The following BCL2L11 variants were observed in gnomAD, a reference collection of about 807,000 sequenced individuals.
The protein encoded by BCL2L11 is BCL2 like 11.
In BCL2L11, 15 loss-of-function variants were observed where a neutral mutation model predicts 20.6. That is an observed-to-expected ratio of 0.73 (90% CI 0.49 to 1.12). The LOEUF (loss-of-function observed/expected upper bound fraction) is 1.12, where lower values mean the gene tolerates loss of function less well. Ranked by LOEUF, BCL2L11 falls within the 50% of genes most tolerant of loss-of-function variation. The pLI, the probability that BCL2L11 is intolerant of heterozygous loss-of-function variation, is 0.00. For missense variants in BCL2L11, 292 were observed against 260.9 expected (o/e 1.12, Z -0.82); for synonymous variants, 108 against 92.8 (o/e 1.16, Z -0.94).
At chr2:111,126,573 T>C (rs2072667846) in intron 2 of BCL2L11, among the ~76,000 whole-genome samples, 1 of 152,146 alleles carries the variant, frequency 6.6e-6, no homozygotes, top group Non-Finnish European at 1.5e-5. Context: ...TGTGAGTTTC[T>C]TAAATTGAAG....
In BCL2L11 at chr2:111,165,436, T is replaced by A. The variant is rs1488212131; in HGVS notation, c.*1205T>A. The A allele has an allele frequency of 1.3e-5, 2 of 152,298 alleles. No individual in the cohort carries two copies. Among genetic ancestry groups the A allele is most frequent in the East Asian group, 1.9e-4 (1 of 5,200 alleles). The allele number at this position is 152,298 out of a possible 1,614,324, so 9.4% of individuals were successfully genotyped here. ...CTCACAGTCCACTAGCTTCACTCCT[T>A]TAAATTCACTTTGAAACAGGCCTCA... On this transcript the variant is annotated 3_prime_UTR_variant, in exon 4 of 4. Transcript: ENST00000393256.
At chr2:111,123,258 A>G (rs1394605477) in intron 1 of BCL2L11, 4 of 985,318 alleles carry the variant, frequency 4.1e-6, no homozygotes, top group Non-Finnish European at 3.6e-6. Flanking sequence ...CCTTCCCCAG[A>G]CTTGCTGCCC....
Position 111,150,278 on chromosome 2 carries a change from C to A in BCL2L11, c.498+131C>A, listed in dbSNP as rs1361580774. ...ATGATTACTGTTGCCTAGTTGTGAC[C>A]TTTCATTGTTTCTCCTTTCCCATTT... On this transcript the variant is annotated intron_variant, in intron 3 of 3. Transcript: ENST00000393256. 2.7e-6 allele frequency: 4 copies of A among 1,488,486 alleles called. No individual in the cohort carries two copies. The African/African-American group carries it at 4.2e-5, about 16-fold the overall frequency. 92.2% of individuals were successfully genotyped at this position (1,488,486 alleles called of 1,614,324 possible). A position where few individuals can be genotyped will look rare whatever the true frequency, so the allele number is the denominator to read the frequency against.
intron 1 of BCL2L11, chr2:111,122,642 G>C (rs1478095147): frequency 1.0e-6 from 1 of 984,170 alleles, no homozygotes; most frequent in East Asian, 1.1e-4. Context: ...GGAGGAGCGG[G>C]AGGAGGCGGA....
chr2:111,121,205 C>G lies in BCL2L11; in HGVS notation c.-14+17C>G. On this transcript the variant is annotated intron_variant, in intron 1 of 3. Coordinates refer to ENST00000393256, the MANE Select transcript of BCL2L11 (RefSeq NM_138621.5). ...AAACGCAAGGTAAATACCTCCAAAT[C>G]CCGGGGCGCGGGCCTGGCACCGAAG... The G allele has an allele frequency of 4.6e-6, 1 of 219,040 alleles. No individual in the cohort carries two copies. The highest frequency in any genetic ancestry group is 9.1e-6 in the Non-Finnish European group (1 of 109,766). The allele number at this position is 219,040 out of a possible 1,614,324, so 13.6% of individuals were successfully genotyped here.
chr2:111,123,460 C>T, intron 1 of BCL2L11: 1 of 985,462 alleles, frequency 1.0e-6, no homozygotes, highest in Non-Finnish European at 1.2e-6. Flanking sequence ...TTCAGATTAG[C>T]TGCTTCTCTG....
intron 2 of BCL2L11, among the ~76,000 whole-genome samples, chr2:111,141,326 A>G (rs1342937752): frequency 6.6e-6 from 1 of 151,706 alleles, no homozygotes; most frequent in Non-Finnish European, 1.5e-5. Context: ...ATGGAATACT[A>G]TGCAGCCATA....
chr2:111,138,012 C>CTTTTTTTTTT (rs66601807), intron 2 of BCL2L11, among the ~76,000 whole-genome samples: 3 of 127,144 alleles, frequency 2.4e-5, no homozygotes, highest in African/African-American at 5.9e-5. Context: ...TTCTTTCTTT[C>CTTTTTTTTTT]TTTTTTTTTT....
intron 2 of BCL2L11, among the ~76,000 whole-genome samples, chr2:111,136,047 A>G (rs926537180): frequency 6.6e-6 from 1 of 151,814 alleles, no homozygotes; most frequent in Non-Finnish European, 1.5e-5. Context: ...TCAACTCCCC[A>G]CTCTGGCCAC....
At position 111,167,036 on chromosome 2, in the gene BCL2L11, C is replaced by CTTT. The variant is rs1180941664; in HGVS notation, c.*2808_*2810dup. 1 of 152,490 alleles carries CTTT rather than the reference C, an allele frequency of 6.6e-6. No individual in the cohort carries two copies. The highest frequency in any genetic ancestry group is 1.5e-5 in the Non-Finnish European group (1 of 67,996). The allele number at this position is 152,490 out of a possible 1,614,324, so 9.4% of individuals were successfully genotyped here. A position where few individuals can be genotyped will look rare whatever the true frequency, so the allele number is the denominator to read the frequency against. ...TCAAGGATTGTAAATATTGTAGATTCTTTTTCTGTGTGATGTGTCCTACTG... is the reference window on the plus strand; with the variant it reads ...TCAAGGATTGTAAATATTGTAGATTCTTTTTTTTCTGTGTGATGTGTCCTACTG... On this transcript the variant is annotated 3_prime_UTR_variant, in exon 4 of 4. Coordinates refer to ENST00000393256, the MANE Select transcript of BCL2L11 (RefSeq NM_138621.5).
chr2:111,121,722 A>C (rs923070147), intron 1 of BCL2L11, among the ~76,000 whole-genome samples: 8 of 152,170 alleles, frequency 5.3e-5, no homozygotes, highest in Admixed American at 3.3e-4. Flanking sequence ...TTACTCATTC[A>C]GGCCAAGGTT....
rs192479600 is a variant in BCL2L11, at chr2:111,159,485, A to G, written c.499-4648A>G. On this transcript the variant is annotated intron_variant, in intron 3 of 3. Transcript: ENST00000393256. ...CTGGAGTGCCCTAGGCAGCTTTTCA[A>G]AGGTTCGACTCCTCTCACTGTTGGA... Among the ~76,000 whole-genome samples the G allele has an allele frequency of 2.2e-3, 335 of 152,328 alleles. 1 individual carries two copies. The highest frequency in any genetic ancestry group is 4.1e-3 in the Non-Finnish European group (281 of 68,034).
intron 3 of BCL2L11, among the ~76,000 whole-genome samples, chr2:111,157,916 G>A (rs1417436489): frequency 6.6e-6 from 1 of 152,142 alleles, no homozygotes; most frequent in Non-Finnish European, 1.5e-5. Flanking sequence ...CATGCATCTG[G>A]GAGGGAACTT....
intron 3 of BCL2L11, chr2:111,150,389 A>C (rs1250641053): frequency 1.2e-5 from 7 of 608,300 alleles, no homozygotes; most frequent in African/African-American, 5.7e-5. Flanking sequence ...CACAGACTTT[A>C]AAACAATGCT....
intron 2 of BCL2L11, among the ~76,000 whole-genome samples, 193 bp downstream of exon 2, chr2:111,124,332 C>A (rs962187065): frequency 6.6e-6 from 1 of 151,734 alleles, no homozygotes; most frequent in African/African-American, 2.4e-5. Context: ...GCTCTGTCGC[C>A]CAGGCTGGAG....
chr2:111,123,188 C>G (rs988752897), intron 1 of BCL2L11: 2 of 985,474 alleles, frequency 2.0e-6, no homozygotes, highest in South Asian at 9.4e-5. Flanking sequence ...CGGGCCGAGC[C>G]GCGCTGGAGT....
chr2:111,127,253 TTAAAGTGTAGTCAGTACAC>T lies in BCL2L11; in HGVS notation c.394+3133_394+3151del, dbSNP rs572516992. Among the ~76,000 whole-genome samples the T allele has an allele frequency of 8.2e-3, 1,246 of 152,174 alleles. 11 individuals carry two copies. The highest frequency in any genetic ancestry group is 0.013 in the Non-Finnish European group (868 of 68,020). Reference sequence around the variant, plus strand: ...ATGCCATATGTGTTTTTAATGGAAATTAAAGTGTAGTCAGTACACTAAAGTGTAGTCAGTACAATTGGAA... The same window carrying T: ...ATGCCATATGTGTTTTTAATGGAAATTAAAGTGTAGTCAGTACAATTGGAA... On this transcript the variant is annotated intron_variant, in intron 2 of 3. Coordinates refer to ENST00000393256, the MANE Select transcript of BCL2L11 (RefSeq NM_138621.5).
chr2:111,121,019 GCCA>G lies in BCL2L11; in HGVS notation c.-181_-179del. On this transcript the variant is annotated 5_prime_UTR_variant, in exon 1 of 4. Coordinates refer to ENST00000393256, the MANE Select transcript of BCL2L11 (RefSeq NM_138621.5). ...CGCCGCCGCCGCCGCCGCCGCCGCC[GCCA>G]CTACCACCACTTGATTCTTGCAGCC... 1 of 353,874 alleles carries G rather than the reference GCCA, an allele frequency of 2.8e-6. No individual in the cohort carries two copies. Among genetic ancestry groups the G allele is most frequent in the South Asian group, 4.2e-5 (1 of 23,934 alleles). 21.9% of individuals were successfully genotyped at this position (353,874 alleles called of 1,614,324 possible).
chr2:111,143,435 A>C (rs2076107804), intron 2 of BCL2L11, among the ~76,000 whole-genome samples: 1 of 152,194 alleles, frequency 6.6e-6, no homozygotes, highest in Admixed American at 6.5e-5. Flanking sequence ...GCACAGGTTC[A>C]CTGACAAAAA....
Sources: allele counts gnomAD v4.1 joint callset (sites outside exome capture counted in the v4.1 genomes callset), GRCh38; gene constraint gnomAD v4.1.1; transcripts MANE v1.5; gene names NCBI Gene and HGNC (gene_info 2026-07-23, HGNC 2026-07-21).